The following VPS35L variants were observed in gnomAD, a reference collection of about 807,000 sequenced individuals.
VPS35L encodes VPS35 endosomal protein-sorting factor-like.
VPS35L carries 83 observed loss-of-function variants against 133.0 expected under a neutral mutation model. The observed-to-expected ratio is 0.62, with a 90% confidence interval of 0.52 to 0.75. VPS35L has a LOEUF of 0.75. Among genes scored for constraint, VPS35L ranks in the 30% least tolerant of loss-of-function variants. VPS35L has a pLI of 0.00. For missense variants in VPS35L, 1,083 were observed against 1,206.8 expected, an observed-to-expected ratio of 0.90 and a Z score of 1.52; for synonymous variants, 423 against 449.9, an observed-to-expected ratio of 0.94 and a Z score of 0.76.
At chr16:19,570,860 TA>T (rs1482738721) in intron 3 of VPS35L, among the ~76,000 whole-genome samples, 4 of 71,716 alleles carry the variant, frequency 5.6e-5, no homozygotes, top group African/African-American at 1.5e-4. Context: ...TATATATATA[TA>T]TATATATATA....
intron 2 of VPS35L, among the ~76,000 whole-genome samples, chr16:19,567,971 A>C (rs74740071): frequency 4.5e-5 from 4 of 88,408 alleles, no homozygotes; most frequent in East Asian, 3.0e-4. Context: ...CCCTGTCTCC[A>C]AAAAAAAAAA....
At chr16:19,603,480 C>T (rs1017049742) in intron 9 of VPS35L, among the ~76,000 whole-genome samples, 1 of 152,176 alleles carries the variant, frequency 6.6e-6, no homozygotes, top group African/African-American at 2.4e-5. Context: ...CTGGATGAAT[C>T]GGGTAAAGTA....
At chr16:19,655,566 G>A (rs1024648438) in intron 26 of VPS35L, among the ~76,000 whole-genome samples, 3 of 152,094 alleles carry the variant, frequency 2.0e-5, no homozygotes, top group African/African-American at 7.2e-5. Context: ...GGTCCATCCC[G>A]ACAAGTAAAC....
intron 7 of VPS35L, among the ~76,000 whole-genome samples, chr16:19,585,462 G>T (rs1971835626): frequency 6.6e-6 from 1 of 150,538 alleles, no homozygotes; most frequent in South Asian, 2.1e-4. Flanking sequence ...GAGTGCAGTG[G>T]TGTAATCATA....
chr16:19,575,603 G>A (rs1170561681), intron 5 of VPS35L, among the ~76,000 whole-genome samples: 3 of 147,344 alleles, frequency 2.0e-5, no homozygotes, highest in East Asian at 2.0e-4. Flanking sequence ...TGGCTCACCT[G>A]TGTAATCCCA....
chr16:19,632,826 A>G (rs1022996881), intron 18 of VPS35L, among the ~76,000 whole-genome samples: 2 of 152,266 alleles, frequency 1.3e-5, no homozygotes, highest in African/African-American at 2.4e-5. Context: ...GGCCGATTCA[A>G]CCATCACTCT....
At chr16:19,645,463 G>A (rs1426012654) in intron 23 of VPS35L, among the ~76,000 whole-genome samples, 2 of 152,026 alleles carry the variant, frequency 1.3e-5, no homozygotes, top group African/African-American at 4.8e-5. Flanking sequence ...CTAATTTTTT[G>A]TATTTTTAGT....
chr16:19,695,286 T>C (rs912841390), intron 29 of VPS35L, among the ~76,000 whole-genome samples: 16 of 152,224 alleles, frequency 1.1e-4, no homozygotes, highest in Non-Finnish European at 1.9e-4. Context: ...ACTGACAGCA[T>C]AAATGATCAT....
At position 19,564,942 on chromosome 16, in the gene VPS35L, C is replaced by T. The variant is rs1278889789; in HGVS notation, c.109C>T (p.Pro37Ser). ...LEFGDYHPLKPITVTESKTKK... is the reference protein window; with the variant it reads ...LEFGDYHPLKSITVTESKTKK... ...GTTTGGGGACTATCACCCTCTGAAA[C>T]CCATAACTGTAAGTTTTGTTAAGGG... The change falls in exon 2 of 31, where the codon CCC (proline) becomes TCC (serine). Residue 37 changes from proline (P) to serine (S), a missense_variant. Physicochemically the swap from Pro to Ser is moderately conservative, Grantham distance 74. Coordinates refer to ENST00000417362, the MANE Select transcript of VPS35L (RefSeq NM_020314.7). 6.2e-7 allele frequency: 1 copy of T among 1,604,734 alleles called. No individual in the cohort carries two copies. The highest frequency in any genetic ancestry group is 8.5e-7 in the Non-Finnish European group (1 of 1,171,790).
At chr16:19,664,242 G>T (rs1331859153) in intron 26 of VPS35L, among the ~76,000 whole-genome samples, 1 of 152,080 alleles carries the variant, frequency 6.6e-6, no homozygotes. Context: ...AAATATGGGG[G>T]CAGTGGCTAT....
intron 26 of VPS35L, among the ~76,000 whole-genome samples, chr16:19,665,443 C>T (rs745660936): frequency 2.0e-5 from 3 of 152,190 alleles, no homozygotes; most frequent in Non-Finnish European, 4.4e-5. Flanking sequence ...GTTTGCCTTC[C>T]TGTGCCTGGC....
chr16:19,670,873 G>A (rs924284826), intron 27 of VPS35L, among the ~76,000 whole-genome samples: 1 of 152,166 alleles, frequency 6.6e-6, no homozygotes, highest in Admixed American at 6.5e-5. Context: ...CCTTTCACTC[G>A]ATGAATTACA....
Position 19,607,832 on chromosome 16 carries a change from ACT to A in VPS35L, c.785-343_785-342del, listed in dbSNP as rs1243653348. ...GCCAGAGTGCCTGGGTTGAATTCTA[ACT>A]CTTACATTTGCTTGCTGTGTGCCTT... On this transcript the variant is annotated intron_variant, in intron 9 of 30. Transcript: ENST00000417362. 4 of 193,108 alleles carry A rather than the reference ACT, an allele frequency of 2.1e-5. No individual in the cohort carries two copies. The East Asian group carries it at 4.9e-4, about 24-fold the overall frequency. 12.0% of individuals were successfully genotyped at this position (193,108 alleles called of 1,614,324 possible). A position where few individuals can be genotyped will look rare whatever the true frequency, so the allele number is the denominator to read the frequency against.
intron 25 of VPS35L, 52 bp from the exon 26 acceptor site, chr16:19,651,924 T>C: frequency 7.8e-7 from 1 of 1,276,344 alleles, no homozygotes. Flanking sequence ...AACAGGAGTA[T>C]GATTCTGCCA....
intron 25 of VPS35L, among the ~76,000 whole-genome samples, chr16:19,651,763 T>G (rs1407836723): frequency 6.6e-6 from 1 of 152,182 alleles, no homozygotes; most frequent in Admixed American, 6.5e-5. Context: ...GGGTGAGGAT[T>G]TGTTTTTCCT....
At chr16:19,571,885 A>G (rs1282682272) in intron 3 of VPS35L, among the ~76,000 whole-genome samples, 1 of 151,418 alleles carries the variant, frequency 6.6e-6, no homozygotes, top group African/African-American at 2.4e-5. Context: ...TGTCTTGGAG[A>G]ACTATCCATG....
At chr16:19,659,733 G>C (rs576599650) in intron 26 of VPS35L, among the ~76,000 whole-genome samples, 1 of 152,170 alleles carries the variant, frequency 6.6e-6, no homozygotes, top group Non-Finnish European at 1.5e-5. Flanking sequence ...AGACCACAAG[G>C]CTTTGCCAAA....
chr16:19,684,019 C>T (rs1313473812), intron 28 of VPS35L, among the ~76,000 whole-genome samples: 2 of 152,184 alleles, frequency 1.3e-5, no homozygotes, highest in East Asian at 1.9e-4. Flanking sequence ...GCATGAGCTT[C>T]GTGCCAGGCC....
chr16:19,610,646 G>A, intron 12 of VPS35L: 1 of 363,752 alleles, frequency 2.7e-6, no homozygotes, highest in African/African-American at 2.1e-5. Context: ...GACGTTTAAG[G>A]TCATCTTCTT....
Sources: allele counts gnomAD v4.1 joint callset (sites outside exome capture counted in the v4.1 genomes callset), GRCh38; gene constraint gnomAD v4.1.1; transcripts MANE v1.5; gene names NCBI Gene and HGNC (gene_info 2026-07-23, HGNC 2026-07-21).